The following ANKRD10 variants were observed in gnomAD, a reference collection of about 807,000 sequenced individuals.
ANKRD10 encodes ankyrin repeat domain 10.
In ANKRD10, 14 loss-of-function variants were observed where a neutral mutation model predicts 27.0. That is an observed-to-expected ratio of 0.52 (90% CI 0.34 to 0.81). The LOEUF (loss-of-function observed/expected upper bound fraction) is 0.81, where lower values mean the gene tolerates loss of function less well. Among genes scored for constraint, ANKRD10 ranks in the 40% least tolerant of loss-of-function variants. The pLI, the probability that ANKRD10 is intolerant of heterozygous loss-of-function variation, is 0.01. For missense variants in ANKRD10, 493 were observed against 544.0 expected (o/e 0.91, Z 0.93); for synonymous variants, 250 against 224.5 (o/e 1.11, Z -1.01).
chr13:110,885,199 C>G (rs1400801002), intron 4 of ANKRD10, among the ~76,000 whole-genome samples: 1 of 151,794 alleles, frequency 6.6e-6, no homozygotes, highest in Non-Finnish European at 1.5e-5. Context: ...CACTATGACT[C>G]AGGCATGCAC....
intron 3 of ANKRD10, among the ~76,000 whole-genome samples, chr13:110,896,357 C>T (rs1223875787): frequency 6.6e-6 from 1 of 152,218 alleles, no homozygotes; most frequent in African/African-American, 2.4e-5. Flanking sequence ...ATGTATACAA[C>T]ATACAGTTTA....
chr13:110,902,051 A>G (rs1458643625), intron 3 of ANKRD10, among the ~76,000 whole-genome samples: 3 of 35,438 alleles, frequency 8.5e-5, no homozygotes, highest in African/African-American at 3.2e-4. Context: ...TCTTTTTAGA[A>G]AAAAAAAAAA....
At position 110,914,955 on chromosome 13, in the gene ANKRD10, G is replaced by A; in HGVS notation, c.-21C>T. On this transcript the variant is annotated 5_prime_UTR_variant, in exon 1 of 6. Coordinates refer to ENST00000267339, the MANE Select transcript of ANKRD10 (RefSeq NM_017664.4). ...GACATGGTCCGTCACCGGAGAGCGC[G>A]GGGCTCGCTGGCCTAGAGGACGCGT... 2.0e-6 allele frequency: 3 copies of A among 1,525,364 alleles called. No individual in the cohort carries two copies. The highest frequency in any genetic ancestry group is 2.7e-5 in the African/African-American group (2 of 72,734). 94.5% of individuals were successfully genotyped at this position (1,525,364 alleles called of 1,614,324 possible).
intron 1 of ANKRD10, 42 bp downstream of exon 1, chr13:110,914,683 G>A (rs766065454): frequency 5.2e-6 from 8 of 1,530,976 alleles, no homozygotes; most frequent in Non-Finnish European, 7.1e-6. Context: ...GACTCCCACT[G>A]GACAGCCGGG....
At chr13:110,912,610 T>C (rs2065750575) in intron 1 of ANKRD10, among the ~76,000 whole-genome samples, 1 of 152,190 alleles carries the variant, frequency 6.6e-6, no homozygotes, top group African/African-American at 2.4e-5. Flanking sequence ...TCTGGAAAGA[T>C]ACTGTTCAAT....
At chr13:110,911,850 G>A (rs1292459972) in intron 1 of ANKRD10, 1 of 152,208 alleles carries the variant, frequency 6.6e-6, no homozygotes, top group Non-Finnish European at 1.5e-5. Flanking sequence ...CATAGTCAAA[G>A]ACTATTTTCT....
At chr13:110,894,614 C>A (rs1332673878) in intron 3 of ANKRD10, 1 of 152,578 alleles carries the variant, frequency 6.6e-6, no homozygotes, top group African/African-American at 2.4e-5. Flanking sequence ...ATGCATTACA[C>A]CTTTTGAAAA....
chr13:110,909,591 C>T (rs1266818512), intron 2 of ANKRD10, among the ~76,000 whole-genome samples: 1 of 152,236 alleles, frequency 6.6e-6, no homozygotes, highest in Non-Finnish European at 1.5e-5. Context: ...TGGCCACCTT[C>T]CATTTTCTTT....
At chr13:110,889,929 T>A (rs924301287) in intron 4 of ANKRD10, among the ~76,000 whole-genome samples, 2 of 152,202 alleles carry the variant, frequency 1.3e-5, no homozygotes, top group South Asian at 4.1e-4. Context: ...CCTGTAACTT[T>A]TTTTGTTTTT....
chr13:110,913,274 C>T (rs1182063527), intron 1 of ANKRD10, among the ~76,000 whole-genome samples: 4 of 152,220 alleles, frequency 2.6e-5, no homozygotes, highest in Non-Finnish European at 4.4e-5. Flanking sequence ...AAATAAACCA[C>T]AGCAAGAGAC....
At chr13:110,907,003 C>G (rs2138881712) in intron 2 of ANKRD10, among the ~76,000 whole-genome samples, 1 of 152,276 alleles carries the variant, frequency 6.6e-6, no homozygotes, top group South Asian at 2.1e-4. Context: ...CAATCAGACA[C>G]AGCAATCAAG....
intron 4 of ANKRD10, among the ~76,000 whole-genome samples, chr13:110,889,080 T>A (rs541909079): frequency 1.3e-5 from 2 of 150,926 alleles, no homozygotes; most frequent in South Asian, 4.3e-4. Context: ...GGGACTGGCA[T>A]TCTTTTCTAA....
At chr13:110,896,922 C>A (rs1016676922) in intron 3 of ANKRD10, among the ~76,000 whole-genome samples, 4 of 152,172 alleles carry the variant, frequency 2.6e-5, no homozygotes. Context: ...ATAGATGATA[C>A]TGTAAATATT....
chr13:110,899,264 T>C lies in ANKRD10; in HGVS notation c.456-6001A>G, dbSNP rs981377086. 8 of 152,234 alleles carry C rather than the reference T, an allele frequency of 5.3e-5. No individual in the cohort carries two copies. In the East Asian group the frequency reaches 5.8e-4, roughly 11 times the overall value. 9.4% of individuals were successfully genotyped at this position (152,234 alleles called of 1,614,324 possible). A position where few individuals can be genotyped will look rare whatever the true frequency, so the allele number is the denominator to read the frequency against. Reference sequence around the variant, plus strand: ...AGTTTAAAGAGTCTCAAAAACTATTTTGAATGCAAACTGGTAGTAATGAAA... The same window carrying C: ...AGTTTAAAGAGTCTCAAAAACTATTCTGAATGCAAACTGGTAGTAATGAAA... On this transcript the variant is annotated intron_variant, in intron 3 of 5. Transcript: ENST00000267339.
At chr13:110,906,736 T>C (rs1258234002) in intron 2 of ANKRD10, among the ~76,000 whole-genome samples, 2 of 152,090 alleles carry the variant, frequency 1.3e-5, no homozygotes, top group Non-Finnish European at 2.9e-5. Flanking sequence ...TTTTCAGTAT[T>C]TATTAGAGGA....
chr13:110,892,740 A>T (rs2065114909), intron 4 of ANKRD10: 3 of 1,088,956 alleles, frequency 2.8e-6, no homozygotes, highest in Non-Finnish European at 1.1e-6. Context: ...TCAAACAGAT[A>T]CAACAAATTA....
Position 110,878,887 on chromosome 13 carries a change from T to C in ANKRD10, c.*750A>G, listed in dbSNP as rs2064759392. On this transcript the variant is annotated 3_prime_UTR_variant, in exon 6 of 6. Transcript: ENST00000267339. ...CATGTCAACAGTCAGTTAAATATTTTGACCTGACAGTTTCTACAAATAGTG... is the reference window on the plus strand; with the variant it reads ...CATGTCAACAGTCAGTTAAATATTTCGACCTGACAGTTTCTACAAATAGTG... 1 of 152,350 alleles carries C rather than the reference T, an allele frequency of 6.6e-6. No individual in the cohort carries two copies. Among genetic ancestry groups the C allele is most frequent in the Admixed American group, 6.5e-5 (1 of 15,288 alleles). The allele number at this position is 152,350 out of a possible 1,614,324, so 9.4% of individuals were successfully genotyped here.
At chr13:110,897,427 AG>A (rs1422832095) in intron 3 of ANKRD10, among the ~76,000 whole-genome samples, 4 of 151,560 alleles carry the variant, frequency 2.6e-5, no homozygotes, top group Non-Finnish European at 4.4e-5. Context: ...TACTTCTATG[AG>A]ATCTTTTTTA....
chr13:110,887,928 ACT>A (rs1380750605), intron 4 of ANKRD10, among the ~76,000 whole-genome samples: 5 of 151,940 alleles, frequency 3.3e-5, no homozygotes, highest in Non-Finnish European at 5.9e-5. Context: ...AAGGAAAGAC[ACT>A]CTGCCTTCCT....
Sources: gnomAD v4.1 joint callset for allele counts (sites outside exome capture counted in the v4.1 genomes callset) on GRCh38, gnomAD v4.1.1 for gene constraint, MANE v1.5 for transcripts, NCBI Gene and HGNC (gene_info 2026-07-23, HGNC 2026-07-21) for gene names.